The following CARS2 variants were observed in gnomAD, a reference collection of about 807,000 sequenced individuals.
CARS2 encodes the protein probable cysteine--tRNA ligase, mitochondrial.
In CARS2, 52 loss-of-function variants were observed where a neutral mutation model predicts 68.8. That is an observed-to-expected ratio of 0.76 (90% CI 0.61 to 0.95). CARS2 has a LOEUF of 0.95. Among genes scored for constraint, CARS2 ranks in the 40% least tolerant of loss-of-function variants. The pLI, the probability that CARS2 is intolerant of heterozygous loss-of-function variation, is 0.00. For synonymous variants in CARS2, 314 were observed against 303.6 expected (o/e 1.03, Z -0.36); for missense variants, 780 against 754.2 (o/e 1.03, Z -0.40).
At chr13:110,704,618 G>C (rs1474531996) in intron 2 of CARS2, among the ~76,000 whole-genome samples, 1 of 152,110 alleles carries the variant, frequency 6.6e-6, no homozygotes, top group Non-Finnish European at 1.5e-5. Flanking sequence ...CAGCTACTCC[G>C]GAGGCTGAGG....
intron 3 of CARS2, among the ~76,000 whole-genome samples, chr13:110,690,662 C>T (rs1193185788): frequency 6.6e-6 from 1 of 152,222 alleles, no homozygotes. Context: ...CACTTTGCAG[C>T]AGCCCAAGTG....
intron 3 of CARS2, among the ~76,000 whole-genome samples, chr13:110,699,092 T>C (rs2063709744): frequency 6.6e-6 from 1 of 152,226 alleles, no homozygotes; most frequent in Non-Finnish European, 1.5e-5. Flanking sequence ...CCTTGACCTC[T>C]TGCCCTCCAC....
In CARS2 at chr13:110,663,507, C is replaced by T. The variant is rs763808514; in HGVS notation, c.931G>A (p.Ala311Thr). The T allele has an allele frequency of 9.4e-5, 151 of 1,613,906 alleles. 4 individuals are homozygous for T. The South Asian group carries it at 1.5e-3, about 15-fold the overall frequency. The change falls in exon 9 of 15, where the codon GCC becomes ACC. Residue 311 changes from alanine (A) to threonine (T), a missense_variant. Transcript: ENST00000257347. ...NYFLHSGHLHAKGKEEKMSKS... is the reference protein window; with the variant it reads ...NYFLHSGHLHTKGKEEKMSKS... ...GACATTTTTTCTTCTTTGCCTTTGGCGTGCAAATGCCCTGAAACAAAAACA... is the reference window on the plus strand; with the variant it reads ...GACATTTTTTCTTCTTTGCCTTTGGTGTGCAAATGCCCTGAAACAAAAACA...
intron 5 of CARS2, among the ~76,000 whole-genome samples, chr13:110,685,544 C>A (rs1214486211): frequency 1.3e-5 from 2 of 152,204 alleles, no homozygotes; most frequent in Non-Finnish European, 2.9e-5. Flanking sequence ...CGGCTGGATA[C>A]TTTAAGGCGT....
intron 12 of CARS2, 86 bp downstream of exon 12, chr13:110,645,881 C>G: frequency 6.6e-7 from 1 of 1,505,118 alleles, no homozygotes; most frequent in Non-Finnish European, 9.0e-7. Context: ...AGAGATGCCA[C>G]CCAGCCGACA....
chr13:110,702,521 G>A (rs531454654), intron 2 of CARS2, among the ~76,000 whole-genome samples: 4 of 152,292 alleles, frequency 2.6e-5, no homozygotes, highest in African/African-American at 4.8e-5. Flanking sequence ...CCTCAAGTTG[G>A]GAAAGAGTCT....
upstream of CARS2, among the ~76,000 whole-genome samples, chr13:110,708,553 G>A (rs576755022): frequency 3.3e-5 from 5 of 151,804 alleles, no homozygotes; most frequent in East Asian, 9.7e-4. Context: ...CCCCTCACTG[G>A]CAGTGATTCT....
Position 110,687,766 on chromosome 13 carries a change from T to C in CARS2, c.526A>G (p.Ile176Val). ...TENIPQIISF[I>V]EGIIARGNAY... Reference sequence around the variant, plus strand: ...TTCCCACGAGCAATGATTCCTTCAATGAAAGAAATTATCTGAGGAATATTT... The same window carrying C: ...TTCCCACGAGCAATGATTCCTTCAACGAAAGAAATTATCTGAGGAATATTT... Residue 176 changes from isoleucine (I) to valine (V), a missense_variant, in exon 5 of 15, where the codon ATT (isoleucine) becomes GTT (valine). By Grantham distance (29) the Ile-to-Val change is conservative. Transcript: ENST00000257347. 8 of 1,613,072 alleles carry C rather than the reference T, an allele frequency of 5.0e-6. No individual in the cohort carries two copies. In the Middle Eastern group the frequency reaches 5.0e-4, roughly 101 times the overall value.
rs948119551 is a variant in CARS2, at chr13:110,668,209, A to C, written c.786-736T>G. Among the ~76,000 whole-genome samples, 1 of 152,244 alleles carries C rather than the reference A, an allele frequency of 6.6e-6. No homozygotes were observed. Among genetic ancestry groups the C allele is most frequent in the African/African-American group, 2.4e-5 (1 of 41,468 alleles). On this transcript the variant is annotated intron_variant, in intron 7 of 14. Transcript: ENST00000257347. The surrounding 1 kb of genome is among the most constrained non-coding windows in gnomAD (Gnocchi z 4.1). ...ACGGAGGTCTCGAGCCTGGGGAAAC[A>C]GGCATCACAGAAACACACGCTGTAG...
intron 13 of CARS2, chr13:110,643,828 T>G: frequency 4.5e-6 from 1 of 220,040 alleles, no homozygotes; most frequent in East Asian, 1.1e-4. Context: ...GAGGACATTT[T>G]CATAGGATCC....
chr13:110,641,700 TC>T, intron 14 of CARS2, 92 bp from the exon 15 acceptor site: 4 of 1,016,946 alleles, frequency 3.9e-6, no homozygotes, highest in Non-Finnish European at 6.2e-6. Flanking sequence ...GGGTGCCTGT[TC>T]CCTCACCGGC....
intron 1 of CARS2, chr13:110,713,070 T>G (rs1307072811): frequency 6.9e-7 from 1 of 1,444,010 alleles, no homozygotes; most frequent in African/African-American, 1.4e-5. Context: ...TGCCCGGCCC[T>G]CCCCTTCCTT....
chr13:110,699,522 C>T (rs1160954990), intron 3 of CARS2, among the ~76,000 whole-genome samples: 1 of 152,228 alleles, frequency 6.6e-6, no homozygotes, highest in Non-Finnish European at 1.5e-5. Context: ...ATTAGGTCAG[C>T]TTTACTTAAA....
At chr13:110,664,869 C>T (rs547441176) in intron 8 of CARS2, 4 of 479,874 alleles carry the variant, frequency 8.3e-6, no homozygotes, top group Admixed American at 6.4e-5. Flanking sequence ...CAGGCCCTCC[C>T]GAGACACCGA....
chr13:110,677,147 C>A (rs2139808944), intron 6 of CARS2, 44 bp from the exon 7 acceptor site: 2 of 1,553,800 alleles, frequency 1.3e-6, no homozygotes, highest in South Asian at 1.2e-5. Flanking sequence ...AGCTCAGTCA[C>A]CCCACCACGG....
chr13:110,675,617 T>C (rs1296925504), intron 7 of CARS2, among the ~76,000 whole-genome samples: 1 of 151,968 alleles, frequency 6.6e-6, no homozygotes, highest in African/African-American at 2.4e-5. Context: ...GATGAGGAGT[T>C]AATGGGTGCA....
chr13:110,675,182 A>T (rs1049828237), intron 7 of CARS2, among the ~76,000 whole-genome samples: 3 of 152,220 alleles, frequency 2.0e-5, no homozygotes, highest in African/African-American at 7.2e-5. Flanking sequence ...TAGAAATACC[A>T]TTTGACCCAG....
intron 10 of CARS2, chr13:110,648,293 T>A (rs926632624): frequency 1.3e-5 from 2 of 152,144 alleles, no homozygotes; most frequent in African/African-American, 4.8e-5. Context: ...AGTTGATGCA[T>A]GGGAGGCTGT....
intron 5 of CARS2, among the ~76,000 whole-genome samples, chr13:110,684,218 C>A (rs1039252817): frequency 6.6e-6 from 1 of 152,190 alleles, no homozygotes; most frequent in South Asian, 2.1e-4. Context: ...CACACAGCAG[C>A]ATGTAGCTGT....
Sources: allele counts gnomAD v4.1 joint callset (sites outside exome capture counted in the v4.1 genomes callset), GRCh38; gene constraint gnomAD v4.1.1; non-coding constraint Gnocchi (gnomAD v3.1); transcripts MANE v1.5; gene names NCBI Gene and HGNC (gene_info 2026-07-23, HGNC 2026-07-21).